Variants in SLC16A10 observed in about 807,000 individuals in gnomAD.
The protein encoded by SLC16A10 is monocarboxylate transporter 10.
Under a neutral mutation model 40.0 loss-of-function variants are expected in SLC16A10, and 27 were observed. The ratio of observed to expected loss-of-function variants is 0.67; its 90% confidence interval spans 0.50 to 0.93. SLC16A10 has a LOEUF of 0.93. SLC16A10 is among the 40% of genes least tolerant of loss of function. The pLI, the probability that SLC16A10 is intolerant of heterozygous loss-of-function variation, is 0.00. For synonymous variants in SLC16A10, 213 were observed against 249.8 expected, an observed-to-expected ratio of 0.85 and a Z score of 1.39; for missense variants, 529 against 658.2, an observed-to-expected ratio of 0.80 and a Z score of 2.15.
chr6:111,128,419 C>T (rs1387869688), intron 1 of SLC16A10, among the ~76,000 whole-genome samples: 8 of 152,152 alleles, frequency 5.3e-5, no homozygotes, highest in Non-Finnish European at 1.0e-4. Context: ...ATTATTTCTT[C>T]ACAATCATAT....
chr6:111,155,090 T>C (rs1193129989), intron 1 of SLC16A10, among the ~76,000 whole-genome samples: 5 of 150,172 alleles, frequency 3.3e-5, no homozygotes, highest in Non-Finnish European at 7.4e-5. Flanking sequence ...GCCAGGATGA[T>C]CTCATCTGGG....
chr6:111,199,042 T>G (rs1310509593), intron 3 of SLC16A10, among the ~76,000 whole-genome samples: 1 of 152,226 alleles, frequency 6.6e-6, no homozygotes, highest in Non-Finnish European at 1.5e-5. Context: ...CCTCAGGAGC[T>G]GTCTTGATGA....
chr6:111,110,304 A>C (rs1464599707), intron 1 of SLC16A10, among the ~76,000 whole-genome samples: 1 of 151,784 alleles, frequency 6.6e-6, no homozygotes, highest in African/African-American at 2.4e-5. Context: ...AGGGAGAAGT[A>C]GGGTGGTAGC....
chr6:111,186,363 C>G (rs1006712291), intron 3 of SLC16A10, among the ~76,000 whole-genome samples: 2 of 152,158 alleles, frequency 1.3e-5, no homozygotes, highest in African/African-American at 4.8e-5. Flanking sequence ...GTTTGAGGAA[C>G]CTAAATTAGC....
chr6:111,097,319 A>AT (rs963059156), intron 1 of SLC16A10, among the ~76,000 whole-genome samples: 11 of 150,084 alleles, frequency 7.3e-5, no homozygotes, highest in African/African-American at 1.2e-4. Context: ...TTTTATTTGT[A>AT]TTTTTTTTTG....
At chr6:111,197,720 G>A (rs1025251265) in intron 3 of SLC16A10, among the ~76,000 whole-genome samples, 7 of 152,038 alleles carry the variant, frequency 4.6e-5, no homozygotes, top group Non-Finnish European at 2.9e-5. Context: ...GTGAGGTCTC[G>A]GGGAGCTTTT....
At chr6:111,094,934 C>T (rs1382872078) in intron 1 of SLC16A10, among the ~76,000 whole-genome samples, 2 of 152,230 alleles carry the variant, frequency 1.3e-5, no homozygotes, top group Non-Finnish European at 2.9e-5. Flanking sequence ...ACCTACTGTG[C>T]CTGGCCACCT....
At chr6:111,142,894 T>C (rs779495250) in intron 1 of SLC16A10, among the ~76,000 whole-genome samples, 3 of 152,220 alleles carry the variant, frequency 2.0e-5, no homozygotes, top group Non-Finnish European at 4.4e-5. Flanking sequence ...TGAAAACTTA[T>C]ATTCACACAG....
chr6:111,165,922 G>T (rs2114533613), intron 1 of SLC16A10, among the ~76,000 whole-genome samples: 1 of 152,308 alleles, frequency 6.6e-6, no homozygotes, highest in Non-Finnish European at 1.5e-5. Flanking sequence ...ACAAGGTCAA[G>T]CTCCCAAGGA....
chr6:111,176,621 G>A (rs957990192), intron 2 of SLC16A10, among the ~76,000 whole-genome samples: 4 of 152,320 alleles, frequency 2.6e-5, no homozygotes, highest in South Asian at 2.1e-4. Context: ...AGTACAGGGC[G>A]AAGGTTGGTC....
intron 1 of SLC16A10, among the ~76,000 whole-genome samples, chr6:111,167,563 A>G (rs1206496627): frequency 1.3e-5 from 2 of 152,048 alleles, no homozygotes; most frequent in African/African-American, 2.4e-5. Context: ...GAAAATATAT[A>G]TTAGGAAGTC....
chr6:111,126,555 G>A (rs937138525), intron 1 of SLC16A10, among the ~76,000 whole-genome samples: 6 of 152,006 alleles, frequency 3.9e-5, no homozygotes, highest in South Asian at 4.1e-4. Context: ...TGCTTACCAC[G>A]TTTCTTTTTG....
In SLC16A10 at chr6:111,228,922, G is replaced by A. The variant is rs6903645; in HGVS notation, c.*6687G>A. On this transcript the variant is annotated 3_prime_UTR_variant, in exon 6 of 6. Coordinates refer to ENST00000368851, the MANE Select transcript of SLC16A10 (RefSeq NM_018593.5). ...CTCCATGCTGTAATCCCAGCTACTCGGGAGGCTGAGGCAGGAGAATTGCTT... is the reference window on the plus strand; with the variant it reads ...CTCCATGCTGTAATCCCAGCTACTCAGGAGGCTGAGGCAGGAGAATTGCTT... The A allele has an allele frequency of 0.05, 7,577 of 151,742 alleles. 459 individuals carry two copies. Among genetic ancestry groups the A allele is most frequent in the African/African-American group, 0.15 (6,110 of 41,202 alleles). 9.4% of individuals were successfully genotyped at this position (151,742 alleles called of 1,614,324 possible).
chr6:111,175,193 C>T (rs773730663), intron 2 of SLC16A10, among the ~76,000 whole-genome samples: 28 of 152,166 alleles, frequency 1.8e-4, no homozygotes, highest in Non-Finnish European at 3.8e-4. Flanking sequence ...ATCCTTTTTG[C>T]ACATATGATT....
chr6:111,135,454 C>G (rs1771861146), intron 1 of SLC16A10, among the ~76,000 whole-genome samples: 2 of 152,168 alleles, frequency 1.3e-5, no homozygotes. Flanking sequence ...AGTGCAAGAT[C>G]TCAGGATTAT....
chr6:111,196,212 C>T (rs1239621446), intron 3 of SLC16A10, among the ~76,000 whole-genome samples: 1 of 152,064 alleles, frequency 6.6e-6, no homozygotes, highest in African/African-American at 2.4e-5. Context: ...TGGCAGCTGC[C>T]TATAGTCCCA....
rs1770985853 is a variant in SLC16A10 at position 111,225,763 on chromosome 6, A to AGGTT, written c.*3529_*3530insGTTG. On this transcript the variant is annotated 3_prime_UTR_variant, in exon 6 of 6. Coordinates refer to ENST00000368851, the MANE Select transcript of SLC16A10 (RefSeq NM_018593.5). ...ATCGGGGAGGGGGAAGGCAACCTATAGCATGGGTGGCTCTGAGGAGTTCCT... is the reference window on the plus strand; with the variant it reads ...ATCGGGGAGGGGGAAGGCAACCTATAGGTTGCATGGGTGGCTCTGAGGAGTTCCT... The AGGTT allele has an allele frequency of 6.6e-6, 1 of 152,194 alleles. No homozygotes were observed. The highest frequency in any genetic ancestry group is 2.4e-5 in the African/African-American group (1 of 41,446). 9.4% of individuals were successfully genotyped at this position (152,194 alleles called of 1,614,324 possible). A position where few individuals can be genotyped will look rare whatever the true frequency, so the allele number is the denominator to read the frequency against.
intron 3 of SLC16A10, among the ~76,000 whole-genome samples, chr6:111,183,106 A>G (rs544645115): frequency 5.9e-5 from 9 of 152,224 alleles, no homozygotes; most frequent in Middle Eastern, 3.4e-3. Flanking sequence ...GTAAAAACCA[A>G]TATCCTTACA....
chr6:111,089,910 T>TG (rs1562393165), intron 1 of SLC16A10, among the ~76,000 whole-genome samples: 1 of 64,390 alleles, frequency 1.6e-5, no homozygotes, highest in East Asian at 3.3e-4. Flanking sequence ...GTGGGTGGGT[T>TG]TTTTTTTTTT....
Sources: gnomAD v4.1 joint callset for allele counts (sites outside exome capture counted in the v4.1 genomes callset) on GRCh38, gnomAD v4.1.1 for gene constraint, MANE v1.5 for transcripts, NCBI Gene and HGNC (gene_info 2026-07-23, HGNC 2026-07-21) for gene names.